The following WDFY3 variants were observed in gnomAD, a reference collection of about 807,000 sequenced individuals.
WDFY3 encodes WD repeat and FYVE domain containing 3, also known as WD repeat and FYVE domain-containing protein 3.
WDFY3 carries 66 observed loss-of-function variants against 409.6 expected under a neutral mutation model. That is an observed-to-expected ratio of 0.16 (90% CI 0.13 to 0.20). The LOEUF (loss-of-function observed/expected upper bound fraction) is 0.20. Ranked by LOEUF, WDFY3 falls within the 10% of genes least tolerant of loss-of-function variation. WDFY3 has a pLI of 1.00. For missense variants in WDFY3, 3,031 were observed against 4,298.1 expected, an observed-to-expected ratio of 0.71 and a Z score of 8.24; for synonymous variants, 1,521 against 1,537.1, an observed-to-expected ratio of 0.99 and a Z score of 0.25.
intron 47 of WDFY3, among the ~76,000 whole-genome samples, chr4:84,720,601 G>T (rs1734698588): frequency 6.6e-6 from 1 of 152,096 alleles, no homozygotes; most frequent in Admixed American, 6.6e-5. Flanking sequence ...GTTCACACAA[G>T]AGCTCCTTTT....
intron 9 of WDFY3, 105 bp from the exon 10 acceptor site, chr4:84,827,086 G>A: frequency 2.4e-6 from 3 of 1,239,974 alleles, no homozygotes; most frequent in Non-Finnish European, 3.3e-6. Flanking sequence ...AATGTATAAA[G>A]TACTCTGGGA....
chr4:84,841,373 A>C, intron 5 of WDFY3, 110 bp from the exon 6 acceptor site: 1 of 845,762 alleles, frequency 1.2e-6, no homozygotes. Context: ...TAATTATATC[A>C]GCACTATTAC....
intron 1 of WDFY3, among the ~76,000 whole-genome samples, chr4:84,964,767 C>T (rs1261476198): frequency 6.6e-6 from 1 of 152,166 alleles, no homozygotes; most frequent in Non-Finnish European, 1.5e-5. Flanking sequence ...AGTGATCCCC[C>T]AGCCTTGGCC....
intron 3 of WDFY3, among the ~76,000 whole-genome samples, chr4:84,872,197 T>G (rs1762217135): frequency 1.3e-5 from 2 of 152,028 alleles, no homozygotes; most frequent in African/African-American, 4.8e-5. Context: ...CCAGGCGCGG[T>G]GGCTCATTCC....
intron 2 of WDFY3, among the ~76,000 whole-genome samples, chr4:84,924,509 T>C (rs1456995033): frequency 3.3e-5 from 5 of 152,202 alleles, no homozygotes; most frequent in Admixed American, 3.3e-4. Flanking sequence ...GAACTATCTC[T>C]TTAATCCTAA....
Position 84,688,164 on chromosome 4 carries a change from A to G in WDFY3, c.9465T>C (p.Asp3155=), listed in dbSNP as rs763296861. The G allele has an allele frequency of 4.3e-6, 7 of 1,614,074 alleles. No homozygotes were observed. In the African/African-American group the frequency reaches 9.3e-5, roughly 22 times the overall value. The part of the protein sequence containing the change: ...GSRDRTCIIW[D]LNKLSFLTQL... Reference sequence around the variant, plus strand: ...GGGTTAGAAATGACAGTTTGTTCAAATCCCAAATGATACAGGTTCGATCAC... The same window carrying G: ...GGGTTAGAAATGACAGTTTGTTCAAGTCCCAAATGATACAGGTTCGATCAC... The change falls in exon 62 of 68, where the codon GAT becomes GAC. Residue 3155 remains aspartate, a synonymous_variant. Coordinates refer to ENST00000295888, the MANE Select transcript of WDFY3 (RefSeq NM_014991.6).
chr4:84,839,812 C>T (rs549734030), intron 6 of WDFY3, among the ~76,000 whole-genome samples: 36 of 151,418 alleles, frequency 2.4e-4, no homozygotes, highest in Middle Eastern at 3.4e-3. Flanking sequence ...GAGCCGAGGC[C>T]GCACCATTGC....
At chr4:84,735,141 A>G in intron 42 of WDFY3, 21 bp from the exon 43 acceptor site, 1 of 1,599,656 alleles carries the variant, frequency 6.3e-7, no homozygotes, top group Non-Finnish European at 8.5e-7. Flanking sequence ...ATGGAAAAAG[A>G]GTCTTAATAT....
intron 3 of WDFY3, among the ~76,000 whole-genome samples, chr4:84,885,330 ATGTGTGTGTG>A (rs70943380): frequency 0.018 from 2,656 of 145,534 alleles, 37 homozygotes; most frequent in South Asian, 0.064. Flanking sequence ...ACATATACAT[ATGTGTGTGTG>A]TGTGTGTGTG....
intron 7 of WDFY3, among the ~76,000 whole-genome samples, chr4:84,835,802 G>A (rs1756490822): frequency 6.6e-6 from 1 of 152,258 alleles, no homozygotes; most frequent in African/African-American, 2.4e-5. Context: ...CCTACTCTCA[G>A]TAGTGGTGAT....
At position 84,799,314 on chromosome 4, in the gene WDFY3, G is replaced by A. The variant is rs1750069184; in HGVS notation, c.2823-1206C>T. ...AAGGACTACAGGCACACGCCACCAT[G>A]CTAGTTAATACATATATATATATAT... is the stretch of plus-strand genomic sequence containing the variant. On this transcript the variant is annotated intron_variant, in intron 17 of 67. Coordinates refer to ENST00000295888, the MANE Select transcript of WDFY3 (RefSeq NM_014991.6). 2.0e-5 allele frequency among the ~76,000 whole-genome samples: 3 copies of A among 149,122 alleles called. No individual in the cohort carries two copies. The South Asian group carries it at 6.4e-4, about 32-fold the overall frequency.
At chr4:84,677,150 C>A (rs752574534) in intron 67 of WDFY3, 49 bp downstream of exon 67, 1 of 1,605,788 alleles carries the variant, frequency 6.2e-7, no homozygotes, top group Non-Finnish European at 8.5e-7. Flanking sequence ...TAATTAACAA[C>A]CTTAGAGCTT....
chr4:84,726,407 CTTT>C (rs1560606881), intron 45 of WDFY3, among the ~76,000 whole-genome samples: 1 of 152,074 alleles, frequency 6.6e-6, no homozygotes, highest in Non-Finnish European at 1.5e-5. Flanking sequence ...ATCACACACT[CTTT>C]GTTTCCATTC....
At chr4:84,721,739 A>G (rs1734887397) in intron 46 of WDFY3, among the ~76,000 whole-genome samples, 167 bp from the exon 47 acceptor site, 1 of 152,180 alleles carries the variant, frequency 6.6e-6, no homozygotes, top group Non-Finnish European at 1.5e-5. Context: ...GGAGTTAATG[A>G]CCTTGGAAAA....
intron 50 of WDFY3, among the ~76,000 whole-genome samples, chr4:84,714,444 T>C (rs1449805974): frequency 6.6e-6 from 1 of 152,168 alleles, no homozygotes; most frequent in African/African-American, 2.4e-5. Flanking sequence ...ATTTTAAATA[T>C]AGTTTATTAA....
chr4:84,810,784 T>C (rs1752359357), intron 13 of WDFY3, among the ~76,000 whole-genome samples: 1 of 152,224 alleles, frequency 6.6e-6, no homozygotes, highest in Admixed American at 6.5e-5. Flanking sequence ...CTGAGGTCTT[T>C]TGTCTCACAT....
chr4:84,899,832 C>T (rs191487450), intron 2 of WDFY3, among the ~76,000 whole-genome samples: 38 of 151,990 alleles, frequency 2.5e-4, no homozygotes, highest in African/African-American at 8.9e-4. Context: ...GCCTGGAGTT[C>T]AAGACCAGCC....
At chr4:84,837,865 T>C (rs1360636872) in intron 6 of WDFY3, among the ~76,000 whole-genome samples, 1 of 152,174 alleles carries the variant, frequency 6.6e-6, no homozygotes, top group Non-Finnish European at 1.5e-5. Flanking sequence ...TGTCAGGCTG[T>C]GTGCTGGGAG....
rs1729283719 is a variant in WDFY3, at chr4:84,691,676, G to A, written c.9159C>T (p.Gly3053=). 3 of 1,614,088 alleles carry A rather than the reference G, an allele frequency of 1.9e-6. No homozygotes were observed. Among genetic ancestry groups the A allele is most frequent in the African/African-American group, 1.3e-5 (1 of 75,026 alleles). The change falls in exon 60 of 68, where the codon GGC becomes GGT. Residue 3053 remains glycine (G), a synonymous_variant. Coordinates refer to ENST00000295888, the MANE Select transcript of WDFY3 (RefSeq NM_014991.6). ...PPTWNKTFAW[G]YADLSCRLGT... ...CCAGTCTGCAACTGAGGTCTGCATA[G>A]CCCCAAGCAAAAGTTTTATTCCAGG...
Sources: allele counts gnomAD v4.1 joint callset (sites outside exome capture counted in the v4.1 genomes callset), GRCh38; gene constraint gnomAD v4.1.1; transcripts MANE v1.5; gene names NCBI Gene and HGNC (gene_info 2026-07-23, HGNC 2026-07-21).